The following CADM2 variants were observed in gnomAD, a reference collection of about 807,000 sequenced individuals.
CADM2 encodes the protein immunoglobulin superfamily member 4D.
Under a neutral mutation model 49.8 loss-of-function variants are expected in CADM2, and 12 were observed. The observed-to-expected ratio is 0.24, with a 90% confidence interval of 0.15 to 0.39. CADM2 has a LOEUF of 0.39. CADM2 is among the 10% of genes least tolerant of loss of function. The pLI, the probability that CADM2 is intolerant of heterozygous loss-of-function variation, is 1.00. For synonymous variants in CADM2, 214 were observed against 175.4 expected, an observed-to-expected ratio of 1.22 and a Z score of -1.74; for missense variants, 378 against 492.3, an observed-to-expected ratio of 0.77 and a Z score of 2.20.
intron 1 of CADM2, among the ~76,000 whole-genome samples, chr3:85,707,053 G>A (rs976118864): frequency 7.2e-5 from 11 of 152,034 alleles, no homozygotes; most frequent in Admixed American, 2.6e-4. Flanking sequence ...TGCAACCTCA[G>A]CCTCCCGGGC....
intron 1 of CADM2, among the ~76,000 whole-genome samples, chr3:85,413,153 AAAAAAAAAAAT>A (rs1427969566): frequency 1.4e-5 from 2 of 144,096 alleles, no homozygotes; most frequent in African/African-American, 5.1e-5. Flanking sequence ...AAAAAAAAAA[AAAAAAAAAAAT>A]AATAATAATA....
intron 1 of CADM2, among the ~76,000 whole-genome samples, chr3:85,280,153 C>CA (rs1194190102): frequency 6.6e-6 from 1 of 151,574 alleles, no homozygotes; most frequent in Non-Finnish European, 1.5e-5. Context: ...TAATCACATG[C>CA]AAAAACTGTA....
chr3:84,980,400 A>G (rs1339399280), intron 1 of CADM2, among the ~76,000 whole-genome samples: 1 of 152,212 alleles, frequency 6.6e-6, no homozygotes, highest in Non-Finnish European at 1.5e-5. Context: ...TATTATGAAC[A>G]GCAAAATATT....
chr3:85,918,279 T>C (rs1435797420), intron 6 of CADM2, among the ~76,000 whole-genome samples: 1 of 152,174 alleles, frequency 6.6e-6, no homozygotes, highest in African/African-American at 2.4e-5. Context: ...AGTATGATAT[T>C]GGCTGTGGGT....
chr3:86,034,341 G>A (rs746118720), intron 8 of CADM2, among the ~76,000 whole-genome samples: 1 of 151,920 alleles, frequency 6.6e-6, no homozygotes, highest in South Asian at 2.1e-4. Context: ...AACTGATTAG[G>A]TCATGAAGGT....
At chr3:85,959,772 T>G (rs1724591048) in intron 7 of CADM2, among the ~76,000 whole-genome samples, 1 of 151,964 alleles carries the variant, frequency 6.6e-6, no homozygotes, top group Non-Finnish European at 1.5e-5. Flanking sequence ...AGTAACATGA[T>G]GTACAAGTTT....
chr3:85,475,834 T>C (rs776139391), intron 1 of CADM2, among the ~76,000 whole-genome samples: 8 of 151,978 alleles, frequency 5.3e-5, no homozygotes, highest in Non-Finnish European at 1.2e-4. Flanking sequence ...GTTTTATGTT[T>C]CTAAACGAAT....
In CADM2 at chr3:85,005,632, G is replaced by A. The variant is rs79353679; in HGVS notation, c.61+45964G>A. Among the ~76,000 whole-genome samples the A allele has an allele frequency of 1.1e-4, 16 of 151,968 alleles. No homozygotes were observed. The East Asian group carries it at 2.1e-3, about 20-fold the overall frequency. On this transcript the variant is annotated intron_variant, in intron 1 of 9. Transcript: ENST00000383699. ...CATTAGCACTGTCTGTGAATAGAAC[G>A]TGCAGAGATGGAATAACGTGAGTTG...
At chr3:85,092,239 C>A (rs918804125) in intron 1 of CADM2, among the ~76,000 whole-genome samples, 1 of 152,064 alleles carries the variant, frequency 6.6e-6, no homozygotes, top group Non-Finnish European at 1.5e-5. Flanking sequence ...TATGTAAGTT[C>A]TTATATGAAA....
chr3:85,193,368 T>A (rs542178074), intron 1 of CADM2, among the ~76,000 whole-genome samples: 11,251 of 151,720 alleles, frequency 0.074, 1,380 homozygotes, highest in African/African-American at 0.26. Context: ...TAAAAAATCT[T>A]AAAAAATTTA....
chr3:84,965,886 A>G (rs2030942505), intron 1 of CADM2, among the ~76,000 whole-genome samples: 1 of 152,148 alleles, frequency 6.6e-6, no homozygotes, highest in South Asian at 2.1e-4. Flanking sequence ...ATCAATAGAG[A>G]ATGTTTCCTA....
chr3:85,043,828 A>G (rs1576101808), intron 1 of CADM2, among the ~76,000 whole-genome samples: 1 of 152,140 alleles, frequency 6.6e-6, no homozygotes, highest in Non-Finnish European at 1.5e-5. Context: ...TACTTTTGCT[A>G]TTATCTATCA....
At chr3:85,534,606 A>G (rs558593069) in intron 1 of CADM2, among the ~76,000 whole-genome samples, 1 of 152,304 alleles carries the variant, frequency 6.6e-6, no homozygotes, top group Non-Finnish European at 1.5e-5. Flanking sequence ...TACTTGTAAC[A>G]TATACCTCCC....
chr3:85,418,510 TC>T (rs1308974242), intron 1 of CADM2, among the ~76,000 whole-genome samples: 2 of 152,162 alleles, frequency 1.3e-5, no homozygotes, highest in Non-Finnish European at 2.9e-5. Context: ...TGGCAAATGT[TC>T]CAAGGTCTAT....
chr3:85,368,843 G>GTCTCATTGCACCCTA (rs1559803940), intron 1 of CADM2, among the ~76,000 whole-genome samples: 1 of 152,102 alleles, frequency 6.6e-6, no homozygotes, highest in African/African-American at 2.4e-5. Flanking sequence ...ATTGTACCCT[G>GTCTCATTGCACCCTA]TTCTGTCTCA....
intron 1 of CADM2, among the ~76,000 whole-genome samples, chr3:85,151,140 C>T (rs2039910153): frequency 6.6e-6 from 1 of 151,994 alleles, no homozygotes; most frequent in Non-Finnish European, 1.5e-5. Context: ...CTGGCCTGAG[C>T]CTAGTCTCCA....
intron 1 of CADM2, among the ~76,000 whole-genome samples, chr3:85,199,369 AT>A (rs1332350231): frequency 0.012 from 1,116 of 91,956 alleles, 26 homozygotes; most frequent in African/African-American, 0.039. Context: ...GTGTGTGTGT[AT>A]GAGAGAGAGA....
rs115562594 is a variant in CADM2 at position 84,988,828 on chromosome 3, C to T, written c.61+29160C>T. Among the ~76,000 whole-genome samples the T allele has an allele frequency of 3.7e-3, 561 of 152,230 alleles. 4 individuals are homozygous for T. Among genetic ancestry groups the T allele is most frequent in the Admixed American group, 8.6e-3 (131 of 15,274 alleles). ...CTCAAAATCATGTATTACCTATAAA[C>T]TGTTTATTTACTTAAATAAAAGATA... is the stretch of plus-strand genomic sequence containing the variant. On this transcript the variant is annotated intron_variant, in intron 1 of 9. Coordinates refer to ENST00000383699, the MANE Select transcript of CADM2 (RefSeq NM_001167675.2).
At position 85,364,743 on chromosome 3, in the gene CADM2, A is replaced by G. The variant is rs1036281680; in HGVS notation, c.62-361779A>G. 1.2e-4 allele frequency among the ~76,000 whole-genome samples: 18 copies of G among 152,166 alleles called. 1 individual carries two copies. The highest frequency in any genetic ancestry group is 4.3e-4 in the African/African-American group (18 of 41,452). ...TTAGGTCAATGCTGGCTTCAGGTTAACATTATTGATTGAAACTTGCTAAAG... is the reference window on the plus strand; with the variant it reads ...TTAGGTCAATGCTGGCTTCAGGTTAGCATTATTGATTGAAACTTGCTAAAG... On this transcript the variant is annotated intron_variant, in intron 1 of 9. Coordinates refer to ENST00000383699, the MANE Select transcript of CADM2 (RefSeq NM_001167675.2).
Sources: allele counts gnomAD v4.1 joint callset (sites outside exome capture counted in the v4.1 genomes callset), GRCh38; gene constraint gnomAD v4.1.1; transcripts MANE v1.5; gene names NCBI Gene and HGNC (gene_info 2026-07-23, HGNC 2026-07-21).